Variants in GREM2 observed in about 807,000 individuals in gnomAD.
GREM2 encodes the protein gremlin 2, DAN family BMP antagonist, also known as gremlin-2.
A neutral mutation model predicts 14.2 loss-of-function variants in GREM2; 11 were observed. The observed-to-expected ratio is 0.78, with a 90% CI of 0.49 to 1.28. GREM2 has a LOEUF of 1.28. Among genes scored for constraint, GREM2 ranks in the 50% most tolerant of loss-of-function variants. GREM2 has a pLI of 0.00. For missense variants in GREM2, 210 were observed against 218.5 expected (o/e 0.96, Z 0.24); for synonymous variants, 98 against 97.6 (o/e 1.00, Z -0.02).
chr1:240,493,555 T>A, intron 1 of GREM2, 79 bp from the exon 2 acceptor site: 2 of 1,420,316 alleles, frequency 1.4e-6, no homozygotes, highest in Non-Finnish European at 9.3e-7. Context: ...TTTTTTTTAT[T>A]TTAGACATGG....
At chr1:240,535,071 T>C (rs181086079) in intron 1 of GREM2, among the ~76,000 whole-genome samples, 64 of 152,272 alleles carry the variant, frequency 4.2e-4, no homozygotes, top group Non-Finnish European at 1.3e-4. Context: ...GGACTCTGTG[T>C]AAGATGATAG....
In GREM2 at chr1:240,608,663, G is replaced by A. The variant is rs1172493350; in HGVS notation, c.-2+3221C>T. Among the ~76,000 whole-genome samples, 5 of 152,326 alleles carry A rather than the reference G, an allele frequency of 3.3e-5. No homozygotes were observed. The East Asian group carries it at 9.7e-4, about 29-fold the overall frequency. On this transcript the variant is annotated intron_variant, in intron 1 of 1. Coordinates refer to ENST00000318160, the MANE Select transcript of GREM2 (RefSeq NM_022469.4). ...TGCTTGAATAGGCTCAAAGGGTAAA[G>A]CTAATTAAAAGAAAGGGAAATTGAG...
At chr1:240,561,116 G>T (rs1315357882) in intron 1 of GREM2, among the ~76,000 whole-genome samples, 1 of 152,150 alleles carries the variant, frequency 6.6e-6, no homozygotes, top group Non-Finnish European at 1.5e-5. Flanking sequence ...AGTTCCTAGA[G>T]TGTGGAAATT....
At chr1:240,605,163 T>G (rs545759056) in intron 1 of GREM2, among the ~76,000 whole-genome samples, 13 of 152,306 alleles carry the variant, frequency 8.5e-5, no homozygotes, top group Middle Eastern at 6.8e-3. Flanking sequence ...TAAATGACCC[T>G]GTTTCCTTTG....
chr1:240,494,736 C>T (rs1255626862), intron 1 of GREM2, among the ~76,000 whole-genome samples: 1 of 151,996 alleles, frequency 6.6e-6, no homozygotes, highest in Non-Finnish European at 1.5e-5. Flanking sequence ...CCTGTCTCTA[C>T]TAAAAATACA....
intron 1 of GREM2, among the ~76,000 whole-genome samples, chr1:240,606,535 A>C (rs929616211): frequency 3.9e-5 from 6 of 152,304 alleles, no homozygotes; most frequent in South Asian, 2.1e-4. Context: ...GAGCTCTTTA[A>C]GGTACCTTAA....
At chr1:240,528,233 A>G (rs1227601552) in intron 1 of GREM2, among the ~76,000 whole-genome samples, 1 of 152,238 alleles carries the variant, frequency 6.6e-6, no homozygotes, top group Non-Finnish European at 1.5e-5. Context: ...TCTGAGAGAT[A>G]CAGTTGCCTT....
At chr1:240,499,626 C>T (rs1304112368) in intron 1 of GREM2, among the ~76,000 whole-genome samples, 1 of 152,200 alleles carries the variant, frequency 6.6e-6, no homozygotes, top group South Asian at 2.1e-4. Context: ...TTCAGTTAAA[C>T]CTTTAGAGAC....
At chr1:240,509,797 T>C (rs1163620975) in intron 1 of GREM2, among the ~76,000 whole-genome samples, 1 of 152,286 alleles carries the variant, frequency 6.6e-6, no homozygotes, top group South Asian at 2.1e-4. Flanking sequence ...CAGGCATCTG[T>C]TATGGTAGAA....
At chr1:240,499,824 T>C (rs1014218187) in intron 1 of GREM2, among the ~76,000 whole-genome samples, 1 of 139,876 alleles carries the variant, frequency 7.1e-6, no homozygotes, top group African/African-American at 2.8e-5. Flanking sequence ...ACTCATTTAG[T>C]CTATGGCTGC....
chr1:240,575,240 G>A (rs1052012458), intron 1 of GREM2, among the ~76,000 whole-genome samples: 1 of 152,060 alleles, frequency 6.6e-6, no homozygotes, highest in Non-Finnish European at 1.5e-5. Context: ...TCACCCCTCG[G>A]CCTTAGCTAG....
At chr1:240,496,190 G>C (rs965465178) in intron 1 of GREM2, among the ~76,000 whole-genome samples, 3 of 152,088 alleles carry the variant, frequency 2.0e-5, no homozygotes, top group African/African-American at 7.2e-5. Flanking sequence ...GCCGGTCTCG[G>C]CCTCCCAAAG....
At chr1:240,545,038 A>G (rs1678685261) in intron 1 of GREM2, among the ~76,000 whole-genome samples, 1 of 152,210 alleles carries the variant, frequency 6.6e-6, no homozygotes, top group African/African-American at 2.4e-5. Context: ...GGCTCCTCAA[A>G]ATGATAAGGA....
At chr1:240,508,483 T>G (rs1178427238) in intron 1 of GREM2, among the ~76,000 whole-genome samples, 1 of 152,222 alleles carries the variant, frequency 6.6e-6, no homozygotes, top group Non-Finnish European at 1.5e-5. Context: ...CTGCCTTTTA[T>G]AACTGTTTAG....
intron 1 of GREM2, among the ~76,000 whole-genome samples, chr1:240,557,584 T>G (rs1217314091): frequency 6.6e-6 from 1 of 152,170 alleles, no homozygotes; most frequent in Non-Finnish European, 1.5e-5. Flanking sequence ...AATGAATCTA[T>G]TTTTTTGTTT....
At chr1:240,589,714 A>G (rs889270421) in intron 1 of GREM2, among the ~76,000 whole-genome samples, 2 of 152,158 alleles carry the variant, frequency 1.3e-5, no homozygotes, top group Non-Finnish European at 2.9e-5. Context: ...GAACTTGAGC[A>G]GGTTGTACTC....
chr1:240,608,926 C>G (rs535728401), intron 1 of GREM2, among the ~76,000 whole-genome samples: 1 of 152,114 alleles, frequency 6.6e-6, no homozygotes, highest in Non-Finnish European at 1.5e-5. Flanking sequence ...GCATGCTGCC[C>G]TCTCCTGGCC....
chr1:240,531,972 G>A (rs1206409444), intron 1 of GREM2, among the ~76,000 whole-genome samples: 2 of 152,076 alleles, frequency 1.3e-5, no homozygotes, highest in African/African-American at 4.8e-5. Context: ...TCCTGTCCAA[G>A]ACAAGAAACA....
chr1:240,501,611 G>A (rs1474509033), intron 1 of GREM2, among the ~76,000 whole-genome samples: 1 of 152,114 alleles, frequency 6.6e-6, no homozygotes, highest in East Asian at 1.9e-4. Flanking sequence ...GATGAATGAG[G>A]AAGCGCTTGG....
Sources: allele counts gnomAD v4.1 joint callset (sites outside exome capture counted in the v4.1 genomes callset), GRCh38; gene constraint gnomAD v4.1.1; transcripts MANE v1.5; gene names NCBI Gene and HGNC (gene_info 2026-07-23, HGNC 2026-07-21).